ALK: variants seen among roughly 807,000 people sequenced by gnomAD.
The protein encoded by ALK is ALK tyrosine kinase receptor.
In ALK, 74 loss-of-function variants were observed where a neutral mutation model predicts 163.1. The observed-to-expected ratio is 0.45, with a 90% confidence interval of 0.38 to 0.55. ALK has a LOEUF of 0.55. ALK is among the 20% of genes least tolerant of loss of function. ALK has a pLI of 0.00. For missense variants in ALK, 2,063 were observed against 2,105.3 expected (o/e 0.98, Z 0.39); for synonymous variants, 960 against 843.2 (o/e 1.14, Z -2.40).
At chr2:29,306,595 G>A (rs1666514436) in intron 8 of ALK, among the ~76,000 whole-genome samples, 1 of 152,136 alleles carries the variant, frequency 6.6e-6, no homozygotes, top group Non-Finnish European at 1.5e-5. Context: ...GAGAAATTAG[G>A]GAGCTAGTGA....
intron 1 of ALK, among the ~76,000 whole-genome samples, chr2:29,737,177 T>C (rs1478965849): frequency 6.6e-6 from 1 of 152,084 alleles, no homozygotes; most frequent in African/African-American, 2.4e-5. Flanking sequence ...TGTGATCTAA[T>C]GTTGTGAAAA....
intron 1 of ALK, among the ~76,000 whole-genome samples, chr2:29,727,047 G>T (rs1679595057): frequency 6.6e-6 from 1 of 152,204 alleles, no homozygotes; most frequent in African/African-American, 2.4e-5. Context: ...GATGCTTGCT[G>T]CATTCTCCTA....
At position 29,287,827 on chromosome 2, in the gene ALK, G is replaced by A. The variant is rs137967530; in HGVS notation, c.1817+9061C>T. 3.0e-3 allele frequency among the ~76,000 whole-genome samples: 450 copies of A among 151,962 alleles called. 3 individuals are homozygous for A. Among genetic ancestry groups the A allele is most frequent in the African/African-American group, 0.01 (427 of 41,456 alleles). On this transcript the variant is annotated intron_variant, in intron 9 of 28. Coordinates refer to ENST00000389048, the MANE Select transcript of ALK (RefSeq NM_004304.5). ...TCAGGGAAGGAAAAGGGTGGAAGGG[G>A]CCTGGATCCCTGAATGATCAGGTGG...
chr2:29,582,452 T>C (rs1443303155), intron 3 of ALK, among the ~76,000 whole-genome samples: 1 of 152,004 alleles, frequency 6.6e-6, no homozygotes, highest in African/African-American at 2.4e-5. Flanking sequence ...AAAATTGGGG[T>C]CTCGGGATTG....
chr2:29,843,090 T>C (rs886915518), intron 1 of ALK, among the ~76,000 whole-genome samples: 3 of 151,876 alleles, frequency 2.0e-5, no homozygotes, highest in South Asian at 4.2e-4. Flanking sequence ...GTAAGGGTGA[T>C]TGGGTAAGAA....
chr2:29,701,783 G>C (rs1426696712), intron 2 of ALK, among the ~76,000 whole-genome samples: 1 of 152,144 alleles, frequency 6.6e-6, no homozygotes, highest in East Asian at 1.9e-4. Flanking sequence ...CTATGAATTA[G>C]GCAGGATTCT....
At chr2:29,667,169 T>C (rs1431220860) in intron 3 of ALK, among the ~76,000 whole-genome samples, 2 of 152,126 alleles carry the variant, frequency 1.3e-5, no homozygotes, top group Non-Finnish European at 2.9e-5. Context: ...TTTAGATATA[T>C]GCATTTCCTT....
chr2:29,472,424 A>G (rs1671369823), intron 4 of ALK, among the ~76,000 whole-genome samples: 1 of 151,476 alleles, frequency 6.6e-6, no homozygotes. Context: ...ACTGGAACGG[A>G]AGGAAACTTC....
At chr2:29,584,855 A>G (rs1252279157) in intron 3 of ALK, among the ~76,000 whole-genome samples, 1 of 152,256 alleles carries the variant, frequency 6.6e-6, no homozygotes, top group Non-Finnish European at 1.5e-5. Context: ...TTAAGGATCC[A>G]TATAAAAGAT....
chr2:29,450,231 A>G (rs1463901242), intron 4 of ALK, among the ~76,000 whole-genome samples: 2 of 152,196 alleles, frequency 1.3e-5, no homozygotes, highest in Non-Finnish European at 2.9e-5. Context: ...CCGAGGTTCA[A>G]AACCGCTCAG....
At chr2:29,791,813 C>T (rs933597283) in intron 1 of ALK, among the ~76,000 whole-genome samples, 2 of 152,102 alleles carry the variant, frequency 1.3e-5, no homozygotes, top group African/African-American at 2.4e-5. Flanking sequence ...GACCAAAAGA[C>T]AGTCTTTGTC....
At chr2:29,753,344 G>A (rs149598403) in intron 1 of ALK, among the ~76,000 whole-genome samples, 220 of 152,308 alleles carry the variant, frequency 1.4e-3, no homozygotes, top group African/African-American at 5.0e-3. Flanking sequence ...ACTTTCATGA[G>A]GTATCGACAA....
At chr2:29,389,177 AAGG>A (rs1669103697) in intron 4 of ALK, among the ~76,000 whole-genome samples, 1 of 152,208 alleles carries the variant, frequency 6.6e-6, no homozygotes, top group South Asian at 2.1e-4. Flanking sequence ...CCTTGTTCTC[AAGG>A]AGCTTACAGA....
intron 1 of ALK, among the ~76,000 whole-genome samples, chr2:29,786,568 A>G (rs929561848): frequency 6.6e-5 from 10 of 152,210 alleles, no homozygotes; most frequent in African/African-American, 2.2e-4. Flanking sequence ...TCCCTCAGTA[A>G]ACATTTATAA....
intron 23 of ALK, among the ~76,000 whole-genome samples, chr2:29,217,190 TGTG>T (rs776987605): frequency 1.3e-4 from 19 of 150,832 alleles, no homozygotes; most frequent in African/African-American, 2.2e-4. Context: ...TGTGTACATG[TGTG>T]GTGTTTTGTG....
At position 29,662,759 on chromosome 2, in the gene ALK, T is replaced by C. The variant is rs147539061; in HGVS notation, c.952+32091A>G. Among the ~76,000 whole-genome samples, 507 of 152,192 alleles carry C rather than the reference T, an allele frequency of 3.3e-3. 3 individuals carry two copies. Among genetic ancestry groups the C allele is most frequent in the African/African-American group, 0.012 (478 of 41,530 alleles). ...TGCGTAAATATGGACATCTGTGACC[T>C]ACACGTGAAGGCATTTTTCCAAATA... On this transcript the variant is annotated intron_variant, in intron 3 of 28. Coordinates refer to ENST00000389048, the MANE Select transcript of ALK (RefSeq NM_004304.5).
At chr2:29,305,154 C>T (rs1274553319) in intron 8 of ALK, among the ~76,000 whole-genome samples, 1 of 152,186 alleles carries the variant, frequency 6.6e-6, no homozygotes, top group Non-Finnish European at 1.5e-5. Flanking sequence ...AGAGGCAATT[C>T]TTAATAACTT....
chr2:29,812,252 G>A (rs1450720870), intron 1 of ALK, among the ~76,000 whole-genome samples: 9 of 152,204 alleles, frequency 5.9e-5, no homozygotes, highest in Non-Finnish European at 1.3e-4. Context: ...GATGGGAGCA[G>A]CCAATGGTAA....
intron 10 of ALK, 49 bp downstream of exon 10, chr2:29,275,353 T>A: frequency 6.2e-7 from 1 of 1,609,062 alleles, no homozygotes; most frequent in East Asian, 2.2e-5. Flanking sequence ...AATGAGGCCA[T>A]GGGCCATGGG....
Sources: allele counts gnomAD v4.1 joint callset (sites outside exome capture counted in the v4.1 genomes callset), GRCh38; gene constraint gnomAD v4.1.1; transcripts MANE v1.5; gene names NCBI Gene and HGNC (gene_info 2026-07-23, HGNC 2026-07-21).